Variants in WNK2 observed in about 807,000 individuals in gnomAD.
WNK2 encodes the protein WNK lysine deficient protein kinase 2.
Under a neutral mutation model 192.1 loss-of-function variants are expected in WNK2, and 67 were observed. The observed-to-expected ratio is 0.35, with a 90% CI of 0.29 to 0.43. WNK2 has a LOEUF of 0.43. Among genes scored for constraint, WNK2 ranks in the 20% least tolerant of loss-of-function variants. WNK2 has a pLI of 1.00. For synonymous variants in WNK2, 1,439 were observed against 1,393.9 expected, an observed-to-expected ratio of 1.03 and a Z score of -0.72; for missense variants, 2,698 against 3,089.7, an observed-to-expected ratio of 0.87 and a Z score of 3.01.
chr9:93,258,086 A>G (rs1443106707), intron 11 of WNK2, among the ~76,000 whole-genome samples: 1 of 152,220 alleles, frequency 6.6e-6, no homozygotes, highest in Non-Finnish European at 1.5e-5. Context: ...GACGTTAGGC[A>G]GCTTCAGGGT....
In WNK2 at chr9:93,262,372, AGT is replaced by A. The variant is rs150607431; in HGVS notation, c.3360+270_3360+271del. ...GACTGTGAAAAGCTTTCATAGCACC[AGT>A]GTGTCCTCTTTGAGGGATGATCAAA... is the stretch of plus-strand genomic sequence containing the variant. On this transcript the variant is annotated intron_variant, in intron 13 of 29. Coordinates refer to ENST00000427277, the MANE Select transcript of WNK2 (RefSeq NM_006648.4). Among the ~76,000 whole-genome samples the A allele has an allele frequency of 3.3e-3, 499 of 152,374 alleles. 5 individuals carry two copies. The highest frequency in any genetic ancestry group is 0.011 in the African/African-American group (477 of 41,598).
chr9:93,202,807 T>A (rs1832710191), intron 2 of WNK2, among the ~76,000 whole-genome samples: 1 of 152,062 alleles, frequency 6.6e-6, no homozygotes, highest in Non-Finnish European at 1.5e-5. Flanking sequence ...GCAGGGACAC[T>A]GAGGCACACA....
chr9:93,230,862 T>G, intron 3 of WNK2, 26 bp from the exon 4 acceptor site: 5 of 1,603,812 alleles, frequency 3.1e-6, no homozygotes, highest in Non-Finnish European at 3.4e-6. Context: ...AGCTGCTTGG[T>G]GAGCTGTGCC....
chr9:93,246,556 C>T (rs780351732), intron 7 of WNK2, among the ~76,000 whole-genome samples: 2 of 152,232 alleles, frequency 1.3e-5, no homozygotes, highest in African/African-American at 4.8e-5. Flanking sequence ...ATTTCTGCCT[C>T]TCCACACCTG....
At chr9:93,277,401 C>T (rs541858951) in intron 19 of WNK2, among the ~76,000 whole-genome samples, 2 of 152,274 alleles carry the variant, frequency 1.3e-5, no homozygotes, top group South Asian at 4.1e-4. Context: ...ACTTAAACAT[C>T]TATGTATGAA....
intron 9 of WNK2, 101 bp from the exon 10 acceptor site, chr9:93,256,198 G>A: frequency 7.6e-7 from 1 of 1,314,420 alleles, no homozygotes; most frequent in Non-Finnish European, 9.9e-7. Flanking sequence ...ACCCTGGTAG[G>A]GACCAGGCAC....
At chr9:93,240,769 A>T (rs1209145977) in intron 7 of WNK2, among the ~76,000 whole-genome samples, 1 of 152,114 alleles carries the variant, frequency 6.6e-6, no homozygotes, top group Non-Finnish European at 1.5e-5. Context: ...GATTATTCTG[A>T]CTTGATTCTC....
intron 2 of WNK2, among the ~76,000 whole-genome samples, chr9:93,187,652 AC>A (rs1299690448): frequency 6.6e-6 from 1 of 152,014 alleles, no homozygotes; most frequent in Non-Finnish European, 1.5e-5. Context: ...GAGGGGAACA[AC>A]CCCCAAGGTC....
chr9:93,214,825 G>A lies in WNK2; in HGVS notation c.682-14871G>A, dbSNP rs541727259. ...GTATCTAATCTGCTTGGGGCTTTTA[G>A]CACTTCTTGAATCTATGGGTGTCTT... On this transcript the variant is annotated intron_variant, in intron 2 of 29. Coordinates refer to ENST00000427277, the MANE Select transcript of WNK2 (RefSeq NM_006648.4). Among the ~76,000 whole-genome samples the A allele has an allele frequency of 5.0e-4, 75 of 151,282 alleles. No individual in the cohort carries two copies. The South Asian group carries it at 0.01, about 21-fold the overall frequency.
intron 7 of WNK2, among the ~76,000 whole-genome samples, chr9:93,244,542 C>T (rs922003300): frequency 5.3e-5 from 8 of 152,236 alleles, no homozygotes; most frequent in Admixed American, 2.6e-4. Flanking sequence ...AAATGGGCTG[C>T]GGGCTGTGGC....
chr9:93,262,326 T>TC (rs1002676445), intron 13 of WNK2, among the ~76,000 whole-genome samples: 1 of 152,242 alleles, frequency 6.6e-6, no homozygotes, highest in African/African-American at 2.4e-5. Flanking sequence ...GAGGATGCTT[T>TC]CCCTGGGACA....
intron 2 of WNK2, among the ~76,000 whole-genome samples, chr9:93,201,701 T>G (rs1291639179): frequency 6.6e-6 from 1 of 152,038 alleles, no homozygotes; most frequent in Non-Finnish European, 1.5e-5. Context: ...GACCCGTGTC[T>G]CCCCCGTGTC....
intron 23 of WNK2, among the ~76,000 whole-genome samples, chr9:93,293,384 A>G (rs191624752): frequency 2.7e-5 from 4 of 150,808 alleles, no homozygotes; most frequent in Admixed American, 1.3e-4. Context: ...CAGTGGTGCA[A>G]TCTTCGCTCG....
intron 2 of WNK2, among the ~76,000 whole-genome samples, chr9:93,226,030 G>A (rs565471385): frequency 5.3e-4 from 80 of 152,346 alleles, no homozygotes; most frequent in African/African-American, 1.8e-3. Context: ...GCTCCTGCAT[G>A]TCTGAAAACG....
In WNK2 at chr9:93,308,310, CTGTG is replaced by C; in HGVS notation, c.6260-13_6260-10del. The C allele has an allele frequency of 1.9e-6, 3 of 1,549,926 alleles. No homozygotes were observed. Among genetic ancestry groups the C allele is most frequent in the Non-Finnish European group, 2.6e-6 (3 of 1,146,704 alleles). On this transcript the variant is annotated splice_polypyrimidine_tract_variant and intron_variant, in intron 27 of 29. Coordinates refer to ENST00000427277, the MANE Select transcript of WNK2 (RefSeq NM_006648.4). Reference sequence around the variant, plus strand: ...CGTGTGTGGCGTCACCAATCCTGGCCTGTGTGTGACTCCCCAGGGTCCTCCACCA... The same window carrying C: ...CGTGTGTGGCGTCACCAATCCTGGCCTGTGACTCCCCAGGGTCCTCCACCA...
intron 2 of WNK2, among the ~76,000 whole-genome samples, chr9:93,211,831 A>G (rs1834823119): frequency 6.8e-6 from 1 of 146,636 alleles, no homozygotes; most frequent in Non-Finnish European, 1.5e-5. Flanking sequence ...TCACTCATCT[A>G]CTCCTCGCTC....
At chr9:93,230,521 G>A (rs564602005) in intron 3 of WNK2, among the ~76,000 whole-genome samples, 3 of 152,182 alleles carry the variant, frequency 2.0e-5, no homozygotes, top group Admixed American at 1.3e-4. Context: ...CTGGCCTTTC[G>A]TAACCCTCAC....
In WNK2 at chr9:93,308,367, GC is replaced by G; in HGVS notation, c.6304del (p.Gln2102SerfsTer10). Reference protein sequence around the residue: ...TSSLAPGPEPGPQPALHVQAQ... With the variant: ...TSSLAPGPEPXPQPALHVQAQ... ...AGCCTGGCCCCAGGCCCTGAGCCAG[GC>G]CCCCAGCCCGCCCTGCACGTCCAGG... is the stretch of plus-strand genomic sequence containing the variant. On this transcript the variant is annotated frameshift_variant, in exon 28 of 30. Transcript: ENST00000427277. LOFTEE classifies it high-confidence loss of function. 6.4e-7 allele frequency: 1 copy of G among 1,558,010 alleles called. No individual in the cohort carries two copies. The highest frequency in any genetic ancestry group is 8.7e-7 in the Non-Finnish European group (1 of 1,151,242).
intron 2 of WNK2, among the ~76,000 whole-genome samples, chr9:93,192,183 A>G (rs12375880): frequency 0.13 from 20,183 of 151,578 alleles, 1,874 homozygotes; most frequent in South Asian, 0.27. Flanking sequence ...GCGTGGTGGC[A>G]GGCACCTGTA....
Sources: allele counts gnomAD v4.1 joint callset (sites outside exome capture counted in the v4.1 genomes callset), GRCh38; gene constraint gnomAD v4.1.1; transcripts MANE v1.5; gene names NCBI Gene and HGNC (gene_info 2026-07-23, HGNC 2026-07-21).